The following SEMA3F variants were observed in gnomAD, a reference collection of about 807,000 sequenced individuals.
The protein encoded by SEMA3F is semaphorin-3F.
In SEMA3F, 30 loss-of-function variants were observed where a neutral mutation model predicts 98.5. The ratio of observed to expected loss-of-function variants is 0.30; its 90% CI spans 0.23 to 0.41. The LOEUF (loss-of-function observed/expected upper bound fraction) is 0.41. SEMA3F is among the 10% of genes least tolerant of loss of function. The pLI is 1.00. For missense variants in SEMA3F, 866 were observed against 1,119.3 expected (o/e 0.77, Z 3.23); for synonymous variants, 380 against 444.8 (o/e 0.85, Z 1.83).
intron 2 of SEMA3F, among the ~76,000 whole-genome samples, chr3:50,162,728 C>T (rs754967624): frequency 1.5e-4 from 23 of 152,106 alleles, no homozygotes; most frequent in South Asian, 2.1e-4. Context: ...AGCTACCCCA[C>T]GACACACTGC....
chr3:50,183,792 G>A (rs1699105869), intron 12 of SEMA3F, among the ~76,000 whole-genome samples: 1 of 152,224 alleles, frequency 6.6e-6, no homozygotes, highest in Non-Finnish European at 1.5e-5. Context: ...CTGCTCCTCA[G>A]AGGGTCCTCT....
Position 50,186,150 on chromosome 3 carries a change from C to T in SEMA3F, c.1745+104C>T, listed in dbSNP as rs1699202205. 2.7e-6 allele frequency: 4 copies of T among 1,462,910 alleles called. No homozygotes were observed. The African/African-American group carries it at 4.2e-5, about 15-fold the overall frequency. The allele number at this position is 1,462,910 out of a possible 1,614,324, so 90.6% of individuals were successfully genotyped here. On this transcript the variant is annotated intron_variant, in intron 16 of 18. Coordinates refer to ENST00000002829, the MANE Select transcript of SEMA3F (RefSeq NM_004186.5). ...TTACCCGGGGTGCATGTGATATTAC[C>T]CTAGGGGAGTCTTATGGGTAAGACA...
At position 50,158,689 on chromosome 3, in the gene SEMA3F, C is replaced by T. The variant is rs749244829; in HGVS notation, c.-48-886C>T. Among the ~76,000 whole-genome samples the T allele has an allele frequency of 1.3e-5, 2 of 152,186 alleles. No homozygotes were observed. The highest frequency in any genetic ancestry group is 2.4e-5 in the African/African-American group (1 of 41,446). On this transcript the variant is annotated intron_variant, in intron 1 of 18. Coordinates refer to ENST00000002829, the MANE Select transcript of SEMA3F (RefSeq NM_004186.5). This position sits in a 1 kb window ranked among gnomAD's most constrained non-coding sequence, Gnocchi z 4.8. ...GGTTGGGGGTGGTGGTAGGAGTTGG[C>T]GCTGGTTTGTGCCGGGAGGGAGCAA...
At chr3:50,162,436 C>A (rs1175762286) in intron 2 of SEMA3F, among the ~76,000 whole-genome samples, 1 of 152,202 alleles carries the variant, frequency 6.6e-6, no homozygotes, top group Admixed American at 6.5e-5. Flanking sequence ...ATGGAGATTT[C>A]CAGGAGCAGG....
chr3:50,169,026 G>C (rs920350378), intron 2 of SEMA3F, among the ~76,000 whole-genome samples: 1 of 152,212 alleles, frequency 6.6e-6, no homozygotes, highest in Non-Finnish European at 1.5e-5. Context: ...CATCACTGCT[G>C]GGGGAGGTGA....
rs899728785 is a variant in SEMA3F, at chr3:50,158,208, G to C, written c.-48-1367G>C. ...CCAGACCTGAGGAGGGGCTGGTTCT[G>C]ATTCCCCCATCCCCCAGCTAGCCTC... On this transcript the variant is annotated intron_variant, in intron 1 of 18. Transcript: ENST00000002829. The surrounding 1 kb of genome is among the most constrained non-coding windows in gnomAD (Gnocchi z 4.8). Among the ~76,000 whole-genome samples, 4 of 152,214 alleles carry C rather than the reference G, an allele frequency of 2.6e-5. No homozygotes were observed. The highest frequency in any genetic ancestry group is 4.4e-5 in the Non-Finnish European group (3 of 68,040).
chr3:50,187,097 A>G (rs1170868283), intron 18 of SEMA3F, among the ~76,000 whole-genome samples: 1 of 152,178 alleles, frequency 6.6e-6, no homozygotes, highest in Non-Finnish European at 1.5e-5. Context: ...TTATGTGGAA[A>G]TTCTATGTGG....
intron 2 of SEMA3F, among the ~76,000 whole-genome samples, chr3:50,167,096 T>C (rs1330881322): frequency 6.6e-6 from 1 of 152,168 alleles, no homozygotes; most frequent in Non-Finnish European, 1.5e-5. Flanking sequence ...CACCCCCTGC[T>C]CAGGACCAGG....
At chr3:50,175,258 C>A (rs568142026) in intron 6 of SEMA3F, 70 bp downstream of exon 6, 1 of 1,134,260 alleles carries the variant, frequency 8.8e-7, no homozygotes, top group Non-Finnish European at 1.3e-6. Context: ...TGGGCCTGCA[C>A]CTGAGGCCAG....
chr3:50,168,914 C>T (rs895332011), intron 2 of SEMA3F, among the ~76,000 whole-genome samples: 4 of 152,210 alleles, frequency 2.6e-5, no homozygotes, highest in Non-Finnish European at 5.9e-5. Flanking sequence ...CCTTGTCCCC[C>T]AGTCCCATCT....
At chr3:50,185,598 C>T (rs1699183195) in intron 14 of SEMA3F, 67 bp downstream of exon 14, 4 of 1,612,566 alleles carry the variant, frequency 2.5e-6, no homozygotes, top group Non-Finnish European at 3.4e-6. Context: ...AGCCTCTGAC[C>T]TGAGACCTCT....
At chr3:50,157,502 TCTGGGG>T (rs925537236) in intron 1 of SEMA3F, among the ~76,000 whole-genome samples, 1 of 151,998 alleles carries the variant, frequency 6.6e-6, no homozygotes, top group African/African-American at 2.4e-5. Context: ...TGGGGGCTTT[TCTGGGG>T]CTGGGGCTGG....
Position 50,155,443 on chromosome 3 carries a change from G to C in SEMA3F, c.-170G>C, listed in dbSNP as rs961689582. ...CGGCGCCGATCCCGGCTGAGGCGCA[G>C]CGGCGAGAGGTCGCGGGCAGGGCCA... On this transcript the variant is annotated 5_prime_UTR_variant, in exon 1 of 19. Coordinates refer to ENST00000002829, the MANE Select transcript of SEMA3F (RefSeq NM_004186.5). This position sits in a 1 kb window ranked among gnomAD's most constrained non-coding sequence, Gnocchi z 4.9. The C allele has an allele frequency of 1.1e-5, 3 of 284,204 alleles. No homozygotes were observed. The highest frequency in any genetic ancestry group is 6.7e-5 in the African/African-American group (3 of 44,732). The allele number at this position is 284,204 out of a possible 1,614,324, so 17.6% of individuals were successfully genotyped here.
chr3:50,156,946 C>G lies in SEMA3F; in HGVS notation c.-49+1382C>G, dbSNP rs1188542323. Among the ~76,000 whole-genome samples, 1 of 151,710 alleles carries G rather than the reference C, an allele frequency of 6.6e-6. No individual in the cohort carries two copies. Among genetic ancestry groups the G allele is most frequent in the African/African-American group, 2.4e-5 (1 of 41,308 alleles). On this transcript the variant is annotated intron_variant, in intron 1 of 18. Transcript: ENST00000002829. The surrounding 1 kb of genome is among the most constrained non-coding windows in gnomAD (Gnocchi z 4.5). Reference sequence around the variant, plus strand: ...GCTGGGGTGGCTCTGCTTCCTGGTCCTTGAGGTGTTGGGGGATGGGGAAGC... The same window carrying G: ...GCTGGGGTGGCTCTGCTTCCTGGTCGTTGAGGTGTTGGGGGATGGGGAAGC...
At chr3:50,179,715 A>G (rs1698952648) in intron 7 of SEMA3F, among the ~76,000 whole-genome samples, 1 of 152,228 alleles carries the variant, frequency 6.6e-6, no homozygotes, top group South Asian at 2.1e-4. Flanking sequence ...AACTTGCTGC[A>G]GCTTCTCCAT....
intron 1 of SEMA3F, among the ~76,000 whole-genome samples, chr3:50,157,965 T>G (rs916184740): frequency 1.3e-5 from 2 of 151,980 alleles, no homozygotes; most frequent in African/African-American, 4.8e-5. Flanking sequence ...ATCTCCCAGC[T>G]CCCCTGAGCC....
At chr3:50,174,985 C>G (rs1698753350) in intron 5 of SEMA3F, 111 bp from the exon 6 acceptor site, 1 of 728,040 alleles carries the variant, frequency 1.4e-6, no homozygotes, top group African/African-American at 1.7e-5. Flanking sequence ...CTGGGGGGCC[C>G]ACGTGTTCAC....
intron 15 of SEMA3F, 75 bp downstream of exon 15, chr3:50,185,782 G>A: frequency 6.2e-7 from 1 of 1,610,814 alleles, no homozygotes; most frequent in South Asian, 1.1e-5. Context: ...TTGGCACAGG[G>A]ATGGGTAAAC....
chr3:50,174,482 C>T (rs1279252986), intron 5 of SEMA3F, 132 bp downstream of exon 5: 1 of 1,102,196 alleles, frequency 9.1e-7, no homozygotes, highest in Non-Finnish European at 1.3e-6. Context: ...TGACTTCTTT[C>T]ACCTCGCTGA....
Sources: allele counts gnomAD v4.1 joint callset (sites outside exome capture counted in the v4.1 genomes callset), GRCh38; gene constraint gnomAD v4.1.1; non-coding constraint Gnocchi (gnomAD v3.1); transcripts MANE v1.5; gene names NCBI Gene and HGNC (gene_info 2026-07-23, HGNC 2026-07-21).